The following CACNA1A variants were observed in gnomAD, a reference collection of about 807,000 sequenced individuals.
CACNA1A encodes the protein voltage-dependent P/Q-type calcium channel subunit alpha-1A.
Under a neutral mutation model 262.4 loss-of-function variants are expected in CACNA1A, and 57 were observed. The ratio of observed to expected loss-of-function variants is 0.22; its 90% confidence interval spans 0.18 to 0.27. The LOEUF (loss-of-function observed/expected upper bound fraction) is 0.27. Ranked by LOEUF, CACNA1A falls within the 10% of genes least tolerant of loss-of-function variation. The pLI, the probability that CACNA1A is intolerant of heterozygous loss-of-function variation, is 1.00. For synonymous variants in CACNA1A, 1,431 were observed against 1,419.3 expected (o/e 1.01, Z -0.18); for missense variants, 2,526 against 3,562.8 (o/e 0.71, Z 7.41).
At chr19:13,268,339 G>T (rs931340655) in intron 24 of CACNA1A, among the ~76,000 whole-genome samples, 5 of 152,070 alleles carry the variant, frequency 3.3e-5, no homozygotes, top group Non-Finnish European at 5.9e-5. Context: ...GGAGATCCAG[G>T]TTAGAAAGAC....
At position 13,333,012 on chromosome 19, in the gene CACNA1A, C is replaced by G. The variant is rs550262444; in HGVS notation, c.1199-87G>C. The G allele has an allele frequency of 6.7e-4, 688 of 1,034,146 alleles. 1 individual carries two copies. In the African/African-American group the frequency reaches 9.3e-3, roughly 14 times the overall value. The allele number at this position is 1,034,146 out of a possible 1,614,324, so 64.1% of individuals were successfully genotyped here. A position where few individuals can be genotyped will look rare whatever the true frequency, so the allele number is the denominator to read the frequency against. On this transcript the variant is annotated intron_variant, in intron 8 of 46. Transcript: ENST00000360228. The stretch of plus-strand genomic sequence containing the variant: ...AGGAAGAAGGGTCTGCCCGGCCACC[C>G]CCATTCTCTGCTGACTGATGGTGAC...
chr19:13,487,392 C>T (rs191189882), intron 1 of CACNA1A, among the ~76,000 whole-genome samples: 10 of 152,114 alleles, frequency 6.6e-5, no homozygotes, highest in African/African-American at 1.9e-4. Flanking sequence ...ACCTGGATGG[C>T]GAGAGGTTGT....
intron 6 of CACNA1A, among the ~76,000 whole-genome samples, chr19:13,346,804 C>T (rs1001807533): frequency 1.4e-5 from 2 of 147,040 alleles, no homozygotes; most frequent in African/African-American, 5.0e-5. Context: ...CTCAGCCTCC[C>T]AAGTAGCTGG....
intron 24 of CACNA1A, among the ~76,000 whole-genome samples, chr19:13,267,187 G>A (rs908274941): frequency 1.3e-5 from 2 of 152,194 alleles, no homozygotes; most frequent in Non-Finnish European, 2.9e-5. Flanking sequence ...ACTTTACCGT[G>A]TACTGCTCCT....
intron 6 of CACNA1A, among the ~76,000 whole-genome samples, chr19:13,352,918 G>A (rs752453427): frequency 2.0e-5 from 3 of 152,052 alleles, no homozygotes; most frequent in South Asian, 2.1e-4. Flanking sequence ...GATTACAGGC[G>A]CCCGCCACCA....
intron 3 of CACNA1A, among the ~76,000 whole-genome samples, chr19:13,430,063 G>C (rs1907947659): frequency 1.3e-5 from 2 of 150,990 alleles, no homozygotes; most frequent in South Asian, 4.2e-4. Context: ...CCTGGGGGCA[G>C]AGCTTCAGTT....
intron 6 of CACNA1A, among the ~76,000 whole-genome samples, chr19:13,353,055 G>A (rs1214114180): frequency 2.0e-5 from 3 of 151,906 alleles, no homozygotes; most frequent in Non-Finnish European, 2.9e-5. Flanking sequence ...TTATAGGTGT[G>A]AGCCACCATG....
chr19:13,378,858 G>A (rs1356997959), intron 3 of CACNA1A, among the ~76,000 whole-genome samples: 1 of 151,608 alleles, frequency 6.6e-6, no homozygotes, highest in Admixed American at 6.6e-5. Context: ...TCATAGAGAC[G>A]GGGTTTCACC....
In CACNA1A at chr19:13,207,993, G is replaced by A. The variant is rs762678287; in HGVS notation, c.6841C>T (p.Arg2281Trp). The change falls in exon 47 of 47, where the codon CGG (arginine) becomes TGG (tryptophan). Residue 2281 changes from arginine to tryptophan, a missense_variant. Physicochemically the swap from Arg to Trp is moderately radical, Grantham distance 101. Coordinates refer to ENST00000360228, the MANE Select transcript of CACNA1A (RefSeq NM_001127222.2). The surrounding 1 kb of genome is among the most constrained non-coding windows in gnomAD (Gnocchi z 5.7). ...GTCTGGGGGAGCTGGCGGCGGCCCC[G>A]CCGCGGAGTGCTGGTACCAGATGTT... ...PSTSGTSTPR[R>W]GRRQLPQTPS... The A allele has an allele frequency of 6.5e-5, 87 of 1,333,680 alleles. No individual in the cohort carries two copies. In the Admixed American group the frequency reaches 8.0e-4, roughly 12 times the overall value. The allele number at this position is 1,333,680 out of a possible 1,614,324, so 82.6% of individuals were successfully genotyped here.
Position 13,401,016 on chromosome 19 carries a change from GT to G in CACNA1A, c.540-29238del, listed in dbSNP as rs534896220. 1.1e-4 allele frequency among the ~76,000 whole-genome samples: 16 copies of G among 152,188 alleles called. No individual in the cohort carries two copies. The East Asian group carries it at 3.1e-3, about 29-fold the overall frequency. ...ATTTTTCTATTTTTTTAGAGACAGG[GT>G]TTTGCCATGTTGGCCAGGCTGGTCT... On this transcript the variant is annotated intron_variant, in intron 3 of 46. Coordinates refer to ENST00000360228, the MANE Select transcript of CACNA1A (RefSeq NM_001127222.2).
chr19:13,299,856 G>C (rs1367788430), intron 18 of CACNA1A, among the ~76,000 whole-genome samples: 1 of 152,176 alleles, frequency 6.6e-6, no homozygotes, highest in African/African-American at 2.4e-5. Flanking sequence ...TTTTTCCACA[G>C]ACCTAGGTGT....
At chr19:13,306,465 C>T (rs2057905438) in intron 15 of CACNA1A, 1 of 152,310 alleles carries the variant, frequency 6.6e-6, no homozygotes. Context: ...TCAAGCAATC[C>T]TCCCGCCTTG....
At chr19:13,235,973 C>T in intron 31 of CACNA1A, 2 of 422,034 alleles carry the variant, frequency 4.7e-6, no homozygotes, top group Non-Finnish European at 4.2e-6. Context: ...AGCATAAGCC[C>T]TCCCTGCCAG....
At position 13,285,225 on chromosome 19, in the gene CACNA1A, A is replaced by G; in HGVS notation, c.3554-19T>C. 6.2e-7 allele frequency: 1 copy of G among 1,613,428 alleles called. No homozygotes were observed. Among genetic ancestry groups the G allele is most frequent in the Non-Finnish European group, 8.5e-7 (1 of 1,179,564 alleles). Reference sequence around the variant, plus strand: ...TTGTTCACTGTTGGGACAAGAACCAACACAGGGCTCCCTCCACAATTTCCC... The same window carrying G: ...TTGTTCACTGTTGGGACAAGAACCAGCACAGGGCTCCCTCCACAATTTCCC... On this transcript the variant is annotated intron_variant, in intron 20 of 46. Transcript: ENST00000360228.
At chr19:13,472,926 C>A (rs997711336) in intron 1 of CACNA1A, among the ~76,000 whole-genome samples, 4 of 151,992 alleles carry the variant, frequency 2.6e-5, no homozygotes, top group African/African-American at 9.7e-5. Context: ...GATTATCTGA[C>A]GGGCTCAAAA....
chr19:13,406,468 TATATATATATATATATATATATA>T (rs2060007738), intron 3 of CACNA1A, among the ~76,000 whole-genome samples: 6 of 13,792 alleles, frequency 4.4e-4, no homozygotes, highest in African/African-American at 1.3e-3. Context: ...AAAAAAATTA[TATATATATATATATATATATATA>T]TATATATATA....
At chr19:13,287,305 C>T (rs1020968486) in intron 19 of CACNA1A, among the ~76,000 whole-genome samples, 1 of 151,936 alleles carries the variant, frequency 6.6e-6, no homozygotes, top group African/African-American at 2.4e-5. Flanking sequence ...GAGCCGTGAT[C>T]GCCCCACTGC....
At chr19:13,243,317 G>GT (rs1425811600) in intron 31 of CACNA1A, among the ~76,000 whole-genome samples, 1 of 152,202 alleles carries the variant, frequency 6.6e-6, no homozygotes, top group Non-Finnish European at 1.5e-5. Context: ...AAATAAGTGT[G>GT]TATCACTTGG....
At chr19:13,227,406 T>C in intron 37 of CACNA1A, 25 bp downstream of exon 37, 1 of 1,301,080 alleles carries the variant, frequency 7.7e-7, no homozygotes, top group Non-Finnish European at 1.1e-6. Context: ...TGCCTGGACG[T>C]CGGTGGTCGG....
Sources: allele counts gnomAD v4.1 joint callset (sites outside exome capture counted in the v4.1 genomes callset), GRCh38; gene constraint gnomAD v4.1.1; non-coding constraint Gnocchi (gnomAD v3.1); transcripts MANE v1.5; gene names NCBI Gene and HGNC (gene_info 2026-07-23, HGNC 2026-07-21).